The following FRS2 variants were observed in gnomAD, a reference collection of about 807,000 sequenced individuals.
FRS2 encodes FGFR signalling adaptor.
Under a neutral mutation model 43.9 loss-of-function variants are expected in FRS2, and 8 were observed. The ratio of observed to expected loss-of-function variants is 0.18; its 90% CI spans 0.11 to 0.33. FRS2 has a LOEUF of 0.33. Among genes scored for constraint, FRS2 ranks in the 10% least tolerant of loss-of-function variants. The probability of loss-of-function intolerance (pLI) is 1.00; values close to 1 mark genes in which losing one functional copy is unlikely to be tolerated. For synonymous variants in FRS2, 219 were observed against 220.3 expected, an observed-to-expected ratio of 0.99 and a Z score of 0.05; for missense variants, 534 against 627.6, an observed-to-expected ratio of 0.85 and a Z score of 1.59.
At chr12:69,470,898 A>G (rs903286902) in intron 1 of FRS2, among the ~76,000 whole-genome samples, 1 of 152,112 alleles carries the variant, frequency 6.6e-6, no homozygotes, top group East Asian at 1.9e-4. Context: ...GCTGGACACC[A>G]GACTCAATCT....
intron 1 of FRS2, among the ~76,000 whole-genome samples, chr12:69,478,524 CCT>C (rs1383013517): frequency 1.3e-5 from 2 of 152,054 alleles, no homozygotes; most frequent in South Asian, 4.1e-4. Flanking sequence ...CTTCATGACA[CCT>C]CTCACCTCAC....
At chr12:69,503,554 T>TG (rs1292426583) in intron 1 of FRS2, among the ~76,000 whole-genome samples, 1 of 152,108 alleles carries the variant, frequency 6.6e-6, no homozygotes, top group Non-Finnish European at 1.5e-5. Flanking sequence ...CTCTTGTGTG[T>TG]GGTGTGTGAA....
chr12:69,505,753 C>G (rs997309827), intron 1 of FRS2, among the ~76,000 whole-genome samples: 3 of 152,178 alleles, frequency 2.0e-5, no homozygotes, highest in Non-Finnish European at 2.9e-5. Flanking sequence ...GAGGAAAAGT[C>G]TACATTGAGT....
At chr12:69,494,877 G>A (rs1008133941) in intron 1 of FRS2, among the ~76,000 whole-genome samples, 3 of 152,064 alleles carry the variant, frequency 2.0e-5, no homozygotes, top group African/African-American at 7.2e-5. Flanking sequence ...GGGTTCAAGT[G>A]ATTCCCCTGT....
chr12:69,507,444 T>C (rs1488778428), intron 1 of FRS2, among the ~76,000 whole-genome samples: 2 of 152,204 alleles, frequency 1.3e-5, no homozygotes, highest in Non-Finnish European at 2.9e-5. Flanking sequence ...CAAATTTGTT[T>C]TATAGTTGAC....
rs546575544 is a variant in FRS2 at position 69,577,114 on chromosome 12, G to T, written c.*2159G>T. ...GTTGGGTACTTTATTCTTTCTTTCCGTCATCCTTTTCATTGTTTCCCCCGG... is the reference window on the plus strand; with the variant it reads ...GTTGGGTACTTTATTCTTTCTTTCCTTCATCCTTTTCATTGTTTCCCCCGG... On this transcript the variant is annotated 3_prime_UTR_variant, in exon 9 of 9. Transcript: ENST00000549921. 6.6e-6 allele frequency: 1 copy of T among 151,910 alleles called. No individual in the cohort carries two copies. The highest frequency in any genetic ancestry group is 1.5e-5 in the Non-Finnish European group (1 of 67,936). 9.4% of individuals were successfully genotyped at this position (151,910 alleles called of 1,614,324 possible).
At chr12:69,481,081 G>T (rs1276404854) in intron 1 of FRS2, among the ~76,000 whole-genome samples, 3 of 152,184 alleles carry the variant, frequency 2.0e-5, no homozygotes, top group African/African-American at 7.2e-5. Flanking sequence ...GAATAGTGCA[G>T]TAGACCTCTG....
chr12:69,493,510 C>T (rs1324943257), intron 1 of FRS2, among the ~76,000 whole-genome samples: 4 of 152,304 alleles, frequency 2.6e-5, no homozygotes, highest in South Asian at 2.1e-4. Flanking sequence ...CACCTGAGGT[C>T]GGGAGTTCAA....
At chr12:69,508,674 C>G (rs1874181229) in intron 1 of FRS2, among the ~76,000 whole-genome samples, 1 of 152,170 alleles carries the variant, frequency 6.6e-6, no homozygotes, top group African/African-American at 2.4e-5. Context: ...TTCCCCATCT[C>G]TCTTCACCTC....
At chr12:69,556,394 G>A (rs949904543) in intron 3 of FRS2, among the ~76,000 whole-genome samples, 1 of 149,870 alleles carries the variant, frequency 6.7e-6, no homozygotes, top group African/African-American at 2.5e-5. Flanking sequence ...GTGCAATGGC[G>A]AGATCTCAGC....
chr12:69,503,030 A>G (rs1233725806), intron 1 of FRS2, among the ~76,000 whole-genome samples: 2 of 152,226 alleles, frequency 1.3e-5, no homozygotes, highest in African/African-American at 4.8e-5. Flanking sequence ...TTCTCTGCTC[A>G]GGATATCACA....
intron 1 of FRS2, among the ~76,000 whole-genome samples, chr12:69,492,251 T>C (rs138717976): frequency 9.8e-5 from 15 of 152,322 alleles, no homozygotes; most frequent in African/African-American, 3.6e-4. Context: ...AGGGAGAGTT[T>C]GAAATAAGAC....
intron 3 of FRS2, among the ~76,000 whole-genome samples, chr12:69,548,513 G>A (rs1043161553): frequency 2.0e-5 from 3 of 152,126 alleles, no homozygotes; most frequent in Non-Finnish European, 2.9e-5. Flanking sequence ...TAGTTGGTTT[G>A]ACTAAGAAAT....
intron 1 of FRS2, among the ~76,000 whole-genome samples, chr12:69,515,225 A>G (rs1323204977): frequency 1.3e-5 from 2 of 152,238 alleles, no homozygotes; most frequent in Admixed American, 6.5e-5. Context: ...ATTTAGCTCA[A>G]AATTCTGTAA....
chr12:69,503,792 C>T (rs142558825), intron 1 of FRS2, among the ~76,000 whole-genome samples: 1 of 152,280 alleles, frequency 6.6e-6, no homozygotes, highest in African/African-American at 2.4e-5. Flanking sequence ...GGTAGGTTCT[C>T]ATGCCCTACA....
chr12:69,525,022 C>G (rs1272059671), intron 1 of FRS2, among the ~76,000 whole-genome samples: 1 of 152,044 alleles, frequency 6.6e-6, no homozygotes, highest in Non-Finnish European at 1.5e-5. Context: ...GATCTTAATG[C>G]CTTCCCTCTG....
At chr12:69,556,474 A>T (rs1022315512) in intron 3 of FRS2, among the ~76,000 whole-genome samples, 5 of 152,018 alleles carry the variant, frequency 3.3e-5, no homozygotes, top group Non-Finnish European at 7.4e-5. Flanking sequence ...CTGGGACTAC[A>T]GGCATGTACC....
chr12:69,517,460 T>G (rs1386547092), intron 1 of FRS2, among the ~76,000 whole-genome samples: 4 of 152,082 alleles, frequency 2.6e-5, no homozygotes, highest in African/African-American at 9.7e-5. Flanking sequence ...ATACTCAACC[T>G]GTACATTTTT....
At chr12:69,534,372 A>T (rs1484349364) in intron 3 of FRS2, among the ~76,000 whole-genome samples, 1 of 152,246 alleles carries the variant, frequency 6.6e-6, no homozygotes, top group Non-Finnish European at 1.5e-5. Flanking sequence ...TAAAAAACAA[A>T]AAAACAAAAT....
Sources: allele counts gnomAD v4.1 joint callset (sites outside exome capture counted in the v4.1 genomes callset), GRCh38; gene constraint gnomAD v4.1.1; transcripts MANE v1.5; gene names NCBI Gene and HGNC (gene_info 2026-07-23, HGNC 2026-07-21).